Variants in GRIA4 observed in about 807,000 individuals in gnomAD.
GRIA4 encodes the protein glutamate ionotropic receptor AMPA type subunit 4.
In GRIA4, 34 loss-of-function variants were observed where a neutral mutation model predicts 104.0. That is an observed-to-expected ratio of 0.33 (90% CI 0.25 to 0.44). The LOEUF (loss-of-function observed/expected upper bound fraction) is 0.44, where lower values mean the gene tolerates loss of function less well. Among genes scored for constraint, GRIA4 ranks in the 20% least tolerant of loss-of-function variants. GRIA4 has a pLI of 1.00. For missense variants in GRIA4, 750 were observed against 1,096.5 expected (o/e 0.68, Z 4.46); for synonymous variants, 386 against 381.9 (o/e 1.01, Z -0.13).
chr11:105,948,234 A>G (rs1457235930), intron 14 of GRIA4, among the ~76,000 whole-genome samples: 2 of 152,344 alleles, frequency 1.3e-5, no homozygotes, highest in East Asian at 1.9e-4. Context: ...AGCAAGATCA[A>G]TTAAAACACA....
At chr11:105,788,744 G>C (rs1013961063) in intron 4 of GRIA4, among the ~76,000 whole-genome samples, 1 of 152,116 alleles carries the variant, frequency 6.6e-6, no homozygotes, top group African/African-American at 2.4e-5. Flanking sequence ...GACTCCAAAA[G>C]GGATGAGGTT....
intron 3 of GRIA4, among the ~76,000 whole-genome samples, chr11:105,728,732 T>A (rs1292507600): frequency 6.6e-6 from 1 of 152,074 alleles, no homozygotes; most frequent in Non-Finnish European, 1.5e-5. Context: ...GGAAACTGAA[T>A]AACCTGCTCC....
At chr11:105,707,659 A>C (rs112206760) in intron 3 of GRIA4, 1 of 152,212 alleles carries the variant, frequency 6.6e-6, no homozygotes, top group African/African-American at 2.4e-5. Flanking sequence ...TGCAATGATA[A>C]ATTTTAAGAA....
At chr11:105,789,454 T>C (rs1208554048) in intron 4 of GRIA4, among the ~76,000 whole-genome samples, 3 of 152,176 alleles carry the variant, frequency 2.0e-5, no homozygotes, top group Non-Finnish European at 4.4e-5. Context: ...ATAACATTTA[T>C]GTATGCCAAG....
chr11:105,939,274 C>T (rs765545036), intron 14 of GRIA4, among the ~76,000 whole-genome samples: 22 of 152,106 alleles, frequency 1.4e-4, no homozygotes, highest in Non-Finnish European at 2.6e-4. Context: ...TTTCTATATT[C>T]AAGGGTTAGC....
intron 3 of GRIA4, among the ~76,000 whole-genome samples, chr11:105,658,971 C>G (rs1951925934): frequency 6.6e-6 from 1 of 151,884 alleles, no homozygotes; most frequent in Non-Finnish European, 1.5e-5. Flanking sequence ...TGATATTCAA[C>G]TAGTAAACAG....
intron 5 of GRIA4, among the ~76,000 whole-genome samples, chr11:105,875,313 T>G (rs997451207): frequency 6.6e-6 from 1 of 152,214 alleles, no homozygotes; most frequent in Non-Finnish European, 1.5e-5. Context: ...GGATTCGGAT[T>G]GCCAGTATTT....
At chr11:105,941,811 C>G (rs917960219) in intron 14 of GRIA4, among the ~76,000 whole-genome samples, 1 of 152,060 alleles carries the variant, frequency 6.6e-6, no homozygotes, top group Non-Finnish European at 1.5e-5. Context: ...CTGGCAAGAG[C>G]TACCAACAGG....
intron 4 of GRIA4, among the ~76,000 whole-genome samples, chr11:105,783,804 A>G (rs1050667140): frequency 6.7e-6 from 1 of 150,106 alleles, no homozygotes; most frequent in African/African-American, 2.5e-5. Context: ...ATGAGTAAAA[A>G]TCTTATCAGT....
intron 3 of GRIA4, among the ~76,000 whole-genome samples, chr11:105,736,738 G>GC (rs1938974460): frequency 6.6e-6 from 1 of 151,662 alleles, no homozygotes; most frequent in Non-Finnish European, 1.5e-5. Flanking sequence ...TATAAAGTCT[G>GC]ACCTTTTGGT....
intron 5 of GRIA4, among the ~76,000 whole-genome samples, chr11:105,873,844 A>C (rs1393541546): frequency 6.6e-6 from 1 of 152,066 alleles, no homozygotes; most frequent in East Asian, 1.9e-4. Context: ...AGATTGCAAA[A>C]ATTTTCTCCC....
intron 4 of GRIA4, among the ~76,000 whole-genome samples, chr11:105,762,141 G>A (rs561648065): frequency 6.6e-6 from 1 of 151,328 alleles, no homozygotes; most frequent in South Asian, 2.1e-4. Flanking sequence ...CTCATGCCTC[G>A]GCCTCCCGAG....
At position 105,803,861 on chromosome 11, in the gene GRIA4, A is replaced by G. The variant is rs866024648; in HGVS notation, c.487+50641A>G. The stretch of plus-strand genomic sequence containing the variant: ...TGCTATACCAAAAAAAAAAAAAAAA[A>G]AGAGAGAGAGAGAGAGAGAAGAGCC... On this transcript the variant is annotated intron_variant, in intron 4 of 16. Coordinates refer to ENST00000282499, the MANE Select transcript of GRIA4 (RefSeq NM_000829.4). Among the ~76,000 whole-genome samples the G allele has an allele frequency of 4.6e-3, 676 of 147,010 alleles. 4 individuals are homozygous for G. The highest frequency in any genetic ancestry group is 0.014 in the African/African-American group (565 of 39,194).
chr11:105,661,853 T>C (rs1055795929), intron 3 of GRIA4, among the ~76,000 whole-genome samples: 2 of 151,800 alleles, frequency 1.3e-5, no homozygotes, highest in African/African-American at 4.8e-5. Flanking sequence ...ATTATAGAAC[T>C]TTCTACATAT....
intron 4 of GRIA4, among the ~76,000 whole-genome samples, chr11:105,777,412 C>T (rs988034128): frequency 5.3e-5 from 8 of 152,010 alleles, no homozygotes; most frequent in Non-Finnish European, 1.0e-4. Flanking sequence ...TGACAATATT[C>T]GAATATATCA....
At chr11:105,739,068 G>A (rs1235452648) in intron 3 of GRIA4, among the ~76,000 whole-genome samples, 1 of 151,840 alleles carries the variant, frequency 6.6e-6, no homozygotes, top group African/African-American at 2.4e-5. Flanking sequence ...AGCCCTTACG[G>A]TTACGGATTA....
intron 4 of GRIA4, among the ~76,000 whole-genome samples, chr11:105,764,740 G>C (rs2135725653): frequency 6.6e-6 from 1 of 151,700 alleles, no homozygotes; most frequent in African/African-American, 2.4e-5. Context: ...TATTGTTTAT[G>C]TTACCTTCAC....
At chr11:105,896,774 T>C (rs1265398553) in intron 6 of GRIA4, among the ~76,000 whole-genome samples, 2 of 152,190 alleles carry the variant, frequency 1.3e-5, no homozygotes, top group Non-Finnish European at 2.9e-5. Flanking sequence ...TCTGTGTGTC[T>C]ATTTCTGTAC....
intron 3 of GRIA4, among the ~76,000 whole-genome samples, chr11:105,703,181 T>G (rs1203566881): frequency 6.6e-6 from 1 of 152,160 alleles, no homozygotes; most frequent in Admixed American, 6.6e-5. Context: ...TGCTTTAGAG[T>G]ACAGTTAGAT....
Sources: gnomAD v4.1 joint callset for allele counts (sites outside exome capture counted in the v4.1 genomes callset) on GRCh38, gnomAD v4.1.1 for gene constraint, MANE v1.5 for transcripts, NCBI Gene and HGNC (gene_info 2026-07-23, HGNC 2026-07-21) for gene names.